The following MKLN1 variants were observed in gnomAD, a reference collection of about 807,000 sequenced individuals.
MKLN1 encodes muskelin.
A neutral mutation model predicts 99.0 loss-of-function variants in MKLN1; 18 were observed. The ratio of observed to expected loss-of-function variants is 0.18; its 90% CI spans 0.13 to 0.27. The LOEUF is 0.27. Among genes scored for constraint, MKLN1 ranks in the 10% least tolerant of loss-of-function variants. The pLI is 1.00. For synonymous variants in MKLN1, 288 were observed against 293.2 expected (o/e 0.98, Z 0.18); for missense variants, 621 against 875.9 (o/e 0.71, Z 3.67).
rs1451636624 is a variant in MKLN1 at position 131,488,695 on chromosome 7, G to A, written c.*967G>A. On this transcript the variant is annotated 3_prime_UTR_variant, in exon 18 of 18. Transcript: ENST00000352689. ...TGAGAGAGGAGGCTGAGTTTCCAGA[G>A]CTTTGCTTTCATTTATTTTTATACA... The A allele has an allele frequency of 6.6e-6, 1 of 152,342 alleles. No homozygotes were observed. Among genetic ancestry groups the A allele is most frequent in the Non-Finnish European group, 1.5e-5 (1 of 67,990 alleles). 9.4% of individuals were successfully genotyped at this position (152,342 alleles called of 1,614,324 possible). A position where few individuals can be genotyped will look rare whatever the true frequency, so the allele number is the denominator to read the frequency against.
Position 131,437,927 on chromosome 7 carries a change from C to T in MKLN1, c.1103C>T (p.Thr368Ile). The T allele has an allele frequency of 6.2e-7, 1 of 1,613,886 alleles. No homozygotes were observed. The highest frequency in any genetic ancestry group is 8.5e-7 in the Non-Finnish European group (1 of 1,179,868). Residue 368 changes from threonine (T) to isoleucine (I), a missense_variant, in exon 10 of 18, where the codon ACA becomes ATA. This residue lies in a region of MKLN1 where 361 missense variants were observed against 540.8 expected (regional missense o/e 0.67). Coordinates refer to ENST00000352689, the MANE Select transcript of MKLN1 (RefSeq NM_013255.5). Reference sequence around the variant, plus strand: ...GACTTCTATCGTTATGACATTGATACAAACACATGGATGTTACTAAGTGAG... The same window carrying T: ...GACTTCTATCGTTATGACATTGATATAAACACATGGATGTTACTAAGTGAG... ...KSDFYRYDID[T>I]NTWMLLSEDT...
At chr7:131,367,605 C>A (rs1800218101) in intron 1 of MKLN1, among the ~76,000 whole-genome samples, 1 of 152,076 alleles carries the variant, frequency 6.6e-6, no homozygotes, top group Non-Finnish European at 1.5e-5. Context: ...TCTCAAGATA[C>A]CCCTCCTTCT....
chr7:131,333,540 A>C (rs1451274977), intron 1 of MKLN1, among the ~76,000 whole-genome samples: 2 of 146,906 alleles, frequency 1.4e-5, no homozygotes, highest in African/African-American at 5.0e-5. Context: ...CTTTACAGAA[A>C]TTTTTTTTTT....
chr7:131,242,122 A>G (rs1797412757), intron 3 of MKLN1, among the ~76,000 whole-genome samples: 1 of 152,252 alleles, frequency 6.6e-6, no homozygotes, highest in African/African-American at 2.4e-5. Context: ...ATCTGCTGGT[A>G]ATGGAAAATT....
chr7:131,294,879 A>G (rs922237074), intron 3 of MKLN1, among the ~76,000 whole-genome samples: 2 of 152,216 alleles, frequency 1.3e-5, no homozygotes, highest in African/African-American at 4.8e-5. Context: ...CATACAAAAA[A>G]GAGACCCAAA....
At chr7:131,442,549 GA>G (rs572870635) in intron 10 of MKLN1, among the ~76,000 whole-genome samples, 3 of 148,328 alleles carry the variant, frequency 2.0e-5, no homozygotes, top group Admixed American at 2.0e-4. Flanking sequence ...TTCTGTCTAG[GA>G]AAAAAAAACA....
intron 3 of MKLN1, among the ~76,000 whole-genome samples, chr7:131,224,368 A>G (rs1797107013): frequency 8.4e-6 from 1 of 118,886 alleles, no homozygotes; most frequent in Non-Finnish European, 1.9e-5. Context: ...CAACATGGCG[A>G]AACCCCATCT....
intron 1 of MKLN1, among the ~76,000 whole-genome samples, chr7:131,341,348 A>G (rs1799402788): frequency 6.6e-6 from 1 of 152,098 alleles, no homozygotes; most frequent in Non-Finnish European, 1.5e-5. Context: ...GCTATTATCC[A>G]CTTATTCTTC....
At chr7:131,300,251 C>T (rs1395271670) in intron 3 of MKLN1, among the ~76,000 whole-genome samples, 1 of 151,038 alleles carries the variant, frequency 6.6e-6, no homozygotes, top group Non-Finnish European at 1.5e-5. Flanking sequence ...ATAAGAATGA[C>T]AATGACGAGG....
At chr7:131,423,122 CTCAT>C (rs1346749760) in intron 8 of MKLN1, among the ~76,000 whole-genome samples, 3 of 152,112 alleles carry the variant, frequency 2.0e-5, no homozygotes, top group Non-Finnish European at 4.4e-5. Flanking sequence ...TTGTGTAACT[CTCAT>C]TACGTTCTGA....
chr7:131,194,361 T>C (rs1169338291), intron 2 of MKLN1, among the ~76,000 whole-genome samples: 1 of 152,218 alleles, frequency 6.6e-6, no homozygotes, highest in African/African-American at 2.4e-5. Context: ...GGGTATTTCC[T>C]ATGAATGGAC....
intron 1 of MKLN1, among the ~76,000 whole-genome samples, chr7:131,371,415 A>G (rs1426519671): frequency 6.6e-6 from 1 of 152,082 alleles, no homozygotes; most frequent in Non-Finnish European, 1.5e-5. Context: ...CTTCTGCTCT[A>G]TTTCATTCCC....
intron 3 of MKLN1, among the ~76,000 whole-genome samples, chr7:131,283,724 T>C (rs1270063316): frequency 6.6e-6 from 1 of 152,184 alleles, no homozygotes; most frequent in Non-Finnish European, 1.5e-5. Flanking sequence ...GCGTGTGCCA[T>C]TGTGCCCGGC....
Position 131,117,222 on chromosome 7 carries a change from G to A in MKLN1, c.-419+7015G>A, listed in dbSNP as rs985189003. Among the ~76,000 whole-genome samples, 11 of 152,192 alleles carry A rather than the reference G, an allele frequency of 7.2e-5. 1 individual carries two copies. Among genetic ancestry groups the A allele is most frequent in the Admixed American group, 5.9e-4 (9 of 15,286 alleles). ...TGAGGTGGGCGGATCACGAGGTCAG[G>A]AGATCGAGACCATCCTGGCCAACAT... On this transcript the variant is annotated intron_variant, in intron 1 of 7. Transcript: ENST00000416992.
At chr7:131,464,451 A>C (rs201015822) in intron 14 of MKLN1, 43 bp downstream of exon 14, 3 of 1,089,580 alleles carry the variant, frequency 2.8e-6, no homozygotes, top group Admixed American at 1.8e-5. Flanking sequence ...ATGGCCTACT[A>C]TCTGAAACAA....
intron 1 of MKLN1, among the ~76,000 whole-genome samples, chr7:131,132,786 G>A (rs1795571060): frequency 6.6e-6 from 1 of 151,806 alleles, no homozygotes; most frequent in African/African-American, 2.4e-5. Flanking sequence ...AATTAGCCGG[G>A]CGTGGTGGCA....
At chr7:131,205,251 C>A (rs954573909) in intron 3 of MKLN1, among the ~76,000 whole-genome samples, 1 of 152,184 alleles carries the variant, frequency 6.6e-6, no homozygotes, top group Non-Finnish European at 1.5e-5. Context: ...TAGGATTTAA[C>A]AGTCTAATTG....
intron 3 of MKLN1, chr7:131,310,236 G>T (rs1584905743): frequency 6.6e-6 from 1 of 152,204 alleles, no homozygotes; most frequent in Admixed American, 6.5e-5. Flanking sequence ...TCAAAAGGGG[G>T]TGTGTGTAGG....
intron 3 of MKLN1, among the ~76,000 whole-genome samples, chr7:131,231,064 G>T (rs1797235031): frequency 1.4e-5 from 2 of 145,716 alleles, no homozygotes; most frequent in South Asian, 4.3e-4. Flanking sequence ...AGGTTGCAGT[G>T]AGCGGAGATC....
Sources: allele counts gnomAD v4.1 joint callset (sites outside exome capture counted in the v4.1 genomes callset), GRCh38; gene constraint gnomAD v4.1.1; regional missense constraint gnomAD v4.1.1; transcripts MANE v1.5; gene names NCBI Gene and HGNC (gene_info 2026-07-23, HGNC 2026-07-21).